Variants in ZNF280B observed in about 807,000 individuals in gnomAD.
The protein encoded by ZNF280B is suppressor of hairy wing homolog 2.
ZNF280B carries 16 observed loss-of-function variants against 38.0 expected under a neutral mutation model. The ratio of observed to expected loss-of-function variants is 0.42; its 90% confidence interval spans 0.28 to 0.64. ZNF280B has a LOEUF of 0.64. Ranked by LOEUF, ZNF280B falls within the 30% of genes least tolerant of loss-of-function variation. The probability of loss-of-function intolerance (pLI) is 0.21; values close to 1 mark genes in which losing one functional copy is unlikely to be tolerated. For synonymous variants in ZNF280B, 253 were observed against 230.6 expected, an observed-to-expected ratio of 1.10 and a Z score of -0.88; for missense variants, 581 against 639.6, an observed-to-expected ratio of 0.91 and a Z score of 0.99.
chr22:22,490,241 T>C (rs887389348), intron 3 of ZNF280B, among the ~76,000 whole-genome samples: 1 of 151,810 alleles, frequency 6.6e-6, no homozygotes, highest in African/African-American at 2.4e-5. Flanking sequence ...CTCCTCAATC[T>C]CTTCTCCACA....
chr22:22,493,420 T>C (rs917238864), intron 3 of ZNF280B, among the ~76,000 whole-genome samples: 1 of 152,052 alleles, frequency 6.6e-6, no homozygotes, highest in African/African-American at 2.4e-5. Context: ...TCTGGTTTTG[T>C]GCTCTTTCTG....
At chr22:22,495,666 G>A (rs1189449169) in intron 2 of ZNF280B, among the ~76,000 whole-genome samples, 1 of 151,942 alleles carries the variant, frequency 6.6e-6, no homozygotes, top group Non-Finnish European at 1.5e-5. Flanking sequence ...AGCAAGAGTG[G>A]AAATAGTAGT....
chr22:22,499,081 G>A (rs1166595696), intron 2 of ZNF280B, among the ~76,000 whole-genome samples: 2 of 151,638 alleles, frequency 1.3e-5, no homozygotes, highest in Admixed American at 6.6e-5. Context: ...TTACAGGCGT[G>A]AGCCACTGTG....
rs1178957045 is a variant in ZNF280B at position 22,485,516 on chromosome 22, A to T, written c.*2251T>A. The T allele has an allele frequency of 6.6e-6, 1 of 151,960 alleles. No individual in the cohort carries two copies. The highest frequency in any genetic ancestry group is 1.5e-5 in the Non-Finnish European group (1 of 68,022). The allele number at this position is 151,960 out of a possible 1,614,324, so 9.4% of individuals were successfully genotyped here. ...GTTCAAGGTGCAAATCAATCAAATGAGTGTCCGGCAAATAAATACAACAGA... is the reference window on the plus strand; with the variant it reads ...GTTCAAGGTGCAAATCAATCAAATGTGTGTCCGGCAAATAAATACAACAGA... On this transcript the variant is annotated 3_prime_UTR_variant, in exon 4 of 4. Transcript: ENST00000626650.
rs1304361525 is a variant in ZNF280B at position 22,488,848 on chromosome 22, T to A, written c.551A>T (p.Asn184Ile). ...ATCCCTGAGTTTAGCCCTTTTGGGA[T>A]TTATGCTGTTTACTTCGAAAGTGGA... Reference protein sequence around the residue: ...QLSTFEVNSINPKRAKLRDGI... With the variant: ...QLSTFEVNSIIPKRAKLRDGI... Residue 184 changes from asparagine to isoleucine, a missense_variant, in exon 4 of 4, where the codon AAT (asparagine) becomes ATT (isoleucine). Coordinates refer to ENST00000626650, the MANE Select transcript of ZNF280B (RefSeq NM_080764.4). The A allele has an allele frequency of 1.2e-6, 2 of 1,613,790 alleles. No individual in the cohort carries two copies. The highest frequency in any genetic ancestry group is 2.2e-5 in the South Asian group (2 of 91,062).
rs71199481 is a variant in ZNF280B at position 22,487,447 on chromosome 22, T to TAAAAAAAAAAAAAAAAAAAAAAAAA, written c.*295_*319dup. 1.5e-5 allele frequency: 1 copy of TAAAAAAAAAAAAAAAAAAAAAAAAA among 66,768 alleles called. No homozygotes were observed. Among genetic ancestry groups the TAAAAAAAAAAAAAAAAAAAAAAAAA allele is most frequent in the African/African-American group, 4.9e-5 (1 of 20,462 alleles). The allele number at this position is 66,768 out of a possible 1,614,324, so 4.1% of individuals were successfully genotyped here. On this transcript the variant is annotated 3_prime_UTR_variant, in exon 4 of 4. Transcript: ENST00000626650. ...TAACAGTGAGACCCTGTCTCTAAAG[T>TAAAAAAAAAAAAAAAAAAAAAAAAA]AAAAAAAAAAAAAAAAAAAAAAAAA...
intron 3 of ZNF280B, among the ~76,000 whole-genome samples, chr22:22,490,175 T>G (rs2061564911): frequency 6.6e-6 from 1 of 151,944 alleles, no homozygotes; most frequent in Admixed American, 6.6e-5. Context: ...TAATGCCTCC[T>G]AAATTTTCCC....
At chr22:22,489,604 C>T (rs1284685084) in intron 3 of ZNF280B, 138 bp from the exon 4 acceptor site, 4 of 514,394 alleles carry the variant, frequency 7.8e-6, no homozygotes, top group Non-Finnish European at 1.3e-5. Flanking sequence ...CAGCTTAAAA[C>T]CTGTGATAAA....
chr22:22,500,577 C>T (rs919047801), intron 2 of ZNF280B, among the ~76,000 whole-genome samples: 2 of 151,472 alleles, frequency 1.3e-5, no homozygotes, highest in Admixed American at 6.6e-5. Flanking sequence ...AAGTAGAGGC[C>T]GGAAGCAGTG....
In ZNF280B at chr22:22,489,195, T is replaced by A. The variant is rs756023763; in HGVS notation, c.204A>T (p.Ser68=). Residue 68 remains serine (S), a synonymous_variant, in exon 4 of 4, where the codon TCA becomes TCT. Coordinates refer to ENST00000626650, the MANE Select transcript of ZNF280B (RefSeq NM_080764.4). The part of the protein sequence containing the change: ...SNILNRVTPG[S]WSRRKKYDHL... ...GATCATACTTTTTTCTCCTTGACCA[T>A]GAACCCGGGGTGACTCTGTTCAAAA... 1 of 1,613,712 alleles carries A rather than the reference T, an allele frequency of 6.2e-7. No homozygotes were observed. The highest frequency in any genetic ancestry group is 8.5e-7 in the Non-Finnish European group (1 of 1,179,972).
At chr22:22,508,760 G>A (rs892732983), upstream of ZNF280B, 2 of 151,858 alleles carry the variant, frequency 1.3e-5, no homozygotes, top group African/African-American at 4.8e-5. Context: ...CAGGCCCCCG[G>A]CGCCGCCGAC....
Position 22,507,849 on chromosome 22 carries a change from A to T in ZNF280B, c.-226T>A, listed in dbSNP as rs1402530894. ...AACGCAACTTTTAAGAACTTGAGCTATTCCAGGCAGAAGGTCACATCCTTG... is the reference window on the plus strand; with the variant it reads ...AACGCAACTTTTAAGAACTTGAGCTTTTCCAGGCAGAAGGTCACATCCTTG... On this transcript the variant is annotated 5_prime_UTR_variant, in exon 2 of 4. Transcript: ENST00000626650. 1.3e-5 allele frequency: 2 copies of T among 152,090 alleles called. No individual in the cohort carries two copies. Among genetic ancestry groups the T allele is most frequent in the Non-Finnish European group, 2.9e-5 (2 of 68,004 alleles). 9.4% of individuals were successfully genotyped at this position (152,090 alleles called of 1,614,324 possible). A position where few individuals can be genotyped will look rare whatever the true frequency, so the allele number is the denominator to read the frequency against.
In ZNF280B at chr22:22,508,684, AGCT is replaced by A. The variant is rs1461442836; in HGVS notation, c.-276_-274del. On this transcript the variant is annotated 5_prime_UTR_variant, in exon 1 of 4. Transcript: ENST00000626650. ...CAGTCCGGATCAGCTGCTGTTCGCG[AGCT>A]GCCGGCCACGCACCAGCCCCGGAGG... 6.6e-6 allele frequency: 1 copy of A among 151,844 alleles called. No homozygotes were observed. The highest frequency in any genetic ancestry group is 2.4e-5 in the African/African-American group (1 of 41,376). The allele number at this position is 151,844 out of a possible 1,614,324, so 9.4% of individuals were successfully genotyped here.
At chr22:22,506,156 C>T (rs117979736) in intron 2 of ZNF280B, among the ~76,000 whole-genome samples, 22 of 151,704 alleles carry the variant, frequency 1.5e-4, no homozygotes, top group African/African-American at 4.6e-4. Context: ...AGGAAAGTTC[C>T]GAGGTAGGTA....
At chr22:22,502,260 C>T (rs1249723521) in intron 2 of ZNF280B, among the ~76,000 whole-genome samples, 7 of 152,022 alleles carry the variant, frequency 4.6e-5, no homozygotes, top group Admixed American at 4.6e-4. Flanking sequence ...TGAGCTATTA[C>T]TTCACATCCA....
chr22:22,501,980 G>A (rs147236731), intron 2 of ZNF280B, among the ~76,000 whole-genome samples: 2,187 of 151,434 alleles, frequency 0.014, 51 homozygotes, highest in African/African-American at 0.051. Context: ...CATGGCACAC[G>A]CCTGTAGTCC....
At chr22:22,493,362 T>C (rs1436937791) in intron 3 of ZNF280B, among the ~76,000 whole-genome samples, 2 of 152,006 alleles carry the variant, frequency 1.3e-5, no homozygotes, top group Non-Finnish European at 2.9e-5. Context: ...TAAAGTTATA[T>C]GGAGGGTTTG....
rs1263836843 is a variant in ZNF280B at position 22,487,748 on chromosome 22, A to C, written c.*19T>G. ...TAATTTGGTTTGAAATACTTGCTTT[A>C]GATTTACTGAAACTAGAATTAATGG... On this transcript the variant is annotated 3_prime_UTR_variant, in exon 4 of 4. Transcript: ENST00000626650. The C allele has an allele frequency of 6.5e-7, 1 of 1,548,042 alleles. No homozygotes were observed. The highest frequency in any genetic ancestry group is 8.7e-7 in the Non-Finnish European group (1 of 1,152,096).
At chr22:22,507,344 G>A (rs964315448) in intron 2 of ZNF280B, among the ~76,000 whole-genome samples, 5 of 151,796 alleles carry the variant, frequency 3.3e-5, no homozygotes, top group Admixed American at 6.6e-5. Flanking sequence ...TTTGTTACAC[G>A]GCAATAGATA....
Sources: gnomAD v4.1 joint callset for allele counts (sites outside exome capture counted in the v4.1 genomes callset) on GRCh38, gnomAD v4.1.1 for gene constraint, MANE v1.5 for transcripts, NCBI Gene and HGNC (gene_info 2026-07-23, HGNC 2026-07-21) for gene names.